Variants in MIS18A observed in about 807,000 individuals in gnomAD.
MIS18A encodes protein Mis18-alpha.
Under a neutral mutation model 25.0 loss-of-function variants are expected in MIS18A, and 14 were observed. That is an observed-to-expected ratio of 0.56 (90% CI 0.37 to 0.88). The LOEUF (loss-of-function observed/expected upper bound fraction) is 0.88. Ranked by LOEUF, MIS18A falls within the 40% of genes least tolerant of loss-of-function variation. MIS18A has a pLI of 0.00. For missense variants in MIS18A, 292 were observed against 290.8 expected (o/e 1.00, Z -0.03); for synonymous variants, 134 against 118.6 (o/e 1.13, Z -0.84).
the MIS18A span, among the ~76,000 whole-genome samples, chr21:32,184,359 G>A: frequency 6.6e-6 from 1 of 152,304 alleles, no homozygotes; most frequent in Non-Finnish European, 1.5e-5. Flanking sequence ...GCGACAAATA[G>A]CATGTCCAAA....
Position 32,270,509 on chromosome 21 carries a change from C to G in MIS18A, c.422G>C (p.Cys141Ser). 6.3e-7 allele frequency: 1 copy of G among 1,597,034 alleles called. No homozygotes were observed. Among genetic ancestry groups the G allele is most frequent in the South Asian group, 1.1e-5 (1 of 87,972 alleles). The change falls in exon 3 of 5, where the codon TGC becomes TCC. Residue 141 changes from cysteine (C) to serine (S), a missense_variant. Physicochemically the swap from Cys to Ser is moderately radical, Grantham distance 112. Coordinates refer to ENST00000290130, the MANE Select transcript of MIS18A (RefSeq NM_018944.3). ...GCCAAGATTGAGTGAGCACCCCGCG[C>G]AGCACAAAGTCTCAAGGACGCTGCA... ...ENGCVLETLC[C>S]AGCSLNLGYV...
At chr21:32,247,528 A>T in the MIS18A span, among the ~76,000 whole-genome samples, 1 of 152,208 alleles carries the variant, frequency 6.6e-6, no homozygotes, top group South Asian at 2.1e-4. Context: ...TGTGGGCCAC[A>T]AAAAATTCAT....
At chr21:32,156,306 A>T in the MIS18A span, 1 of 152,188 alleles carries the variant, frequency 6.6e-6, no homozygotes, top group Admixed American at 6.5e-5. Context: ...TTTGGGAAAC[A>T]TTATTTCCAT....
downstream of MIS18A, among the ~76,000 whole-genome samples, chr21:32,265,795 T>G (rs1368589060): frequency 6.6e-6 from 1 of 152,256 alleles, no homozygotes; most frequent in African/African-American, 2.4e-5. Flanking sequence ...GCTGGGCTCC[T>G]GAGTCTGGTG....
At chr21:32,178,230 T>A in the MIS18A span, among the ~76,000 whole-genome samples, 1 of 152,132 alleles carries the variant, frequency 6.6e-6, no homozygotes, top group East Asian at 1.9e-4. Context: ...TCCAGCAATT[T>A]TTTTTTATTC....
At chr21:32,228,621 C>A in the MIS18A span, among the ~76,000 whole-genome samples, 1 of 152,122 alleles carries the variant, frequency 6.6e-6, no homozygotes, top group Non-Finnish European at 1.5e-5. Flanking sequence ...CACACACATG[C>A]ACACACACCC....
At chr21:32,220,527 C>T in the MIS18A span, among the ~76,000 whole-genome samples, 1 of 152,090 alleles carries the variant, frequency 6.6e-6, no homozygotes, top group Non-Finnish European at 1.5e-5. Flanking sequence ...GAGGAAAAAC[C>T]AGCACAAAAA....
chr21:32,198,225 G>A, the MIS18A span, among the ~76,000 whole-genome samples: 1 of 152,314 alleles, frequency 6.6e-6, no homozygotes, highest in Non-Finnish European at 1.5e-5. Context: ...AGAGGGCCTG[G>A]GAAGGGGCAG....
At chr21:32,157,156 A>C in the MIS18A span, among the ~76,000 whole-genome samples, 1 of 149,532 alleles carries the variant, frequency 6.7e-6, no homozygotes, top group South Asian at 2.1e-4. Flanking sequence ...CCCGGGTTCA[A>C]ATGATTTTCC....
the MIS18A span, among the ~76,000 whole-genome samples, chr21:32,184,224 C>A: frequency 1.3e-4 from 20 of 152,118 alleles, no homozygotes; most frequent in African/African-American, 3.6e-4. Flanking sequence ...GCCCTCCAGA[C>A]GCGACTTGCT....
the MIS18A span, among the ~76,000 whole-genome samples, chr21:32,195,321 G>A: frequency 5.9e-5 from 9 of 152,294 alleles, no homozygotes; most frequent in East Asian, 1.9e-4. Flanking sequence ...GCCTATGTGC[G>A]TCATTCAAGA....
At chr21:32,155,223 GT>G in the MIS18A span, among the ~76,000 whole-genome samples, 1 of 151,946 alleles carries the variant, frequency 6.6e-6, no homozygotes, top group Non-Finnish European at 1.5e-5. Flanking sequence ...AAGCAAACTT[GT>G]TTTACCAGCT....
chr21:32,206,768 T>C, the MIS18A span, among the ~76,000 whole-genome samples: 4 of 151,904 alleles, frequency 2.6e-5, no homozygotes, highest in East Asian at 7.8e-4. Flanking sequence ...GGAAATGAGG[T>C]TATTAAAGGA....
chr21:32,166,129 C>A, the MIS18A span, among the ~76,000 whole-genome samples: 6 of 152,118 alleles, frequency 3.9e-5, no homozygotes, highest in Non-Finnish European at 8.8e-5. Flanking sequence ...ACGCACAGGA[C>A]AATTTTTAGG....
At chr21:32,222,951 AAAAG>A in the MIS18A span, among the ~76,000 whole-genome samples, 10,060 of 143,616 alleles carry the variant, frequency 0.07, 340 homozygotes, top group South Asian at 0.14. Flanking sequence ...AAAAAAAAAA[AAAAG>A]AAAGAAAGAA....
At chr21:32,269,260 CTATT>C in intron 4 of MIS18A, 143 bp from the exon 5 acceptor site, 2 of 621,392 alleles carry the variant, frequency 3.2e-6, no homozygotes. Context: ...TTTAACAAAA[CTATT>C]TAGAGGCATA....
At chr21:32,231,958 G>T in the MIS18A span, among the ~76,000 whole-genome samples, 1 of 152,100 alleles carries the variant, frequency 6.6e-6, no homozygotes, top group Admixed American at 6.6e-5. Context: ...ATATGACCCA[G>T]CAACCTCTCT....
At chr21:32,186,037 G>A in the MIS18A span, among the ~76,000 whole-genome samples, 1 of 139,702 alleles carries the variant, frequency 7.2e-6, no homozygotes, top group African/African-American at 3.0e-5. Flanking sequence ...GGTAAGCTCT[G>A]GGTGACTGTT....
At chr21:32,245,055 G>A in the MIS18A span, among the ~76,000 whole-genome samples, 1 of 152,174 alleles carries the variant, frequency 6.6e-6, no homozygotes, top group Non-Finnish European at 1.5e-5. Flanking sequence ...AAAAAGAATT[G>A]TTAGTTCCAT....
Sources: gnomAD v4.1 joint callset for allele counts (sites outside exome capture counted in the v4.1 genomes callset) on GRCh38, gnomAD v4.1.1 for gene constraint, MANE v1.5 for transcripts, NCBI Gene and HGNC (gene_info 2026-07-23, HGNC 2026-07-21) for gene names.